OPCML: variants seen among roughly 807,000 people sequenced by gnomAD.
OPCML encodes the protein opioid binding protein/cell adhesion molecule like.
A neutral mutation model predicts 37.8 loss-of-function variants in OPCML; 13 were observed. That is an observed-to-expected ratio of 0.34 (90% CI 0.22 to 0.55). The LOEUF (loss-of-function observed/expected upper bound fraction) is 0.55. Ranked by LOEUF, OPCML falls within the 20% of genes least tolerant of loss-of-function variation. The pLI is 0.91. For synonymous variants in OPCML, 176 were observed against 168.8 expected (o/e 1.04, Z -0.33); for missense variants, 341 against 435.6 (o/e 0.78, Z 1.93).
At chr11:133,466,469 G>T (rs1352740192) in intron 1 of OPCML, among the ~76,000 whole-genome samples, 1 of 152,180 alleles carries the variant, frequency 6.6e-6, no homozygotes, top group Non-Finnish European at 1.5e-5. Context: ...TTCTTAAGGA[G>T]ATGGCCAGTG....
chr11:133,362,484 G>A (rs1433427105), intron 1 of OPCML, among the ~76,000 whole-genome samples: 1 of 152,198 alleles, frequency 6.6e-6, no homozygotes, highest in Non-Finnish European at 1.5e-5. Flanking sequence ...CTCCGGGGAA[G>A]TGAGCTGTTT....
chr11:133,333,460 G>C (rs767168132), intron 1 of OPCML, among the ~76,000 whole-genome samples: 2 of 152,086 alleles, frequency 1.3e-5, no homozygotes, highest in Non-Finnish European at 2.9e-5. Flanking sequence ...ATTGAAGCTG[G>C]ACCGCTTCCT....
intron 1 of OPCML, among the ~76,000 whole-genome samples, chr11:133,094,816 G>A (rs181713166): frequency 1.3e-5 from 2 of 152,254 alleles, no homozygotes; most frequent in Admixed American, 1.3e-4. Flanking sequence ...GAGTCTTGAA[G>A]TATGTATCTA....
Position 132,546,407 on chromosome 11 carries a change from G to A in OPCML, c.380-17221C>T, listed in dbSNP as rs536959967. 1.1e-4 allele frequency among the ~76,000 whole-genome samples: 16 copies of A among 152,300 alleles called. No individual in the cohort carries two copies. The South Asian group carries it at 3.1e-3, about 30-fold the overall frequency. On this transcript the variant is annotated intron_variant, in intron 3 of 7. Transcript: ENST00000524381. Reference sequence around the variant, plus strand: ...CCAAGTAGTATACACTGCACCCAATGTGTAGTCTTTTCTCCTTCACCCTTC... The same window carrying A: ...CCAAGTAGTATACACTGCACCCAATATGTAGTCTTTTCTCCTTCACCCTTC...
intron 1 of OPCML, among the ~76,000 whole-genome samples, chr11:133,283,852 A>G (rs994163332): frequency 4.6e-5 from 7 of 152,150 alleles, no homozygotes; most frequent in Non-Finnish European, 1.0e-4. Context: ...TCAGCTCCAC[A>G]TACCTGTGAG....
chr11:133,404,983 G>A (rs957864764), intron 1 of OPCML, among the ~76,000 whole-genome samples: 3 of 152,210 alleles, frequency 2.0e-5, no homozygotes, highest in Non-Finnish European at 2.9e-5. Context: ...CATTATGTCT[G>A]TGTATTTTCC....
rs530475913 is a variant in OPCML, at chr11:132,847,150, G to T, written c.146+95776C>A. Reference sequence around the variant, plus strand: ...GCACAGAGGGTAAGATCATCGACCCGTGACAACTGAAGGTATCTTGCTGCA... The same window carrying T: ...GCACAGAGGGTAAGATCATCGACCCTTGACAACTGAAGGTATCTTGCTGCA... On this transcript the variant is annotated intron_variant, in intron 2 of 7. Transcript: ENST00000524381. Among the ~76,000 whole-genome samples the T allele has an allele frequency of 2.0e-5, 3 of 152,150 alleles. No homozygotes were observed. In the East Asian group the frequency reaches 5.8e-4, roughly 29 times the overall value.
chr11:133,197,992 C>T (rs1938604470), intron 1 of OPCML, among the ~76,000 whole-genome samples: 1 of 152,220 alleles, frequency 6.6e-6, no homozygotes, highest in African/African-American at 2.4e-5. Flanking sequence ...AACCTATCAA[C>T]CCAGACAGAC....
At chr11:133,187,132 G>A (rs1565492691) in intron 1 of OPCML, among the ~76,000 whole-genome samples, 1 of 152,146 alleles carries the variant, frequency 6.6e-6, no homozygotes, top group Non-Finnish European at 1.5e-5. Flanking sequence ...ATAGACTGCA[G>A]GGAAGAAAAG....
intron 2 of OPCML, among the ~76,000 whole-genome samples, chr11:132,846,003 G>A (rs937792095): frequency 6.6e-6 from 1 of 152,130 alleles, no homozygotes; most frequent in African/African-American, 2.4e-5. Flanking sequence ...TCAGAACGCT[G>A]AGAGCAATCC....
At chr11:133,408,826 GAA>G (rs1945582764) in intron 1 of OPCML, among the ~76,000 whole-genome samples, 1 of 152,190 alleles carries the variant, frequency 6.6e-6, no homozygotes, top group Admixed American at 6.5e-5. Flanking sequence ...TTGTTATAAT[GAA>G]AAGACATGGA....
chr11:132,884,418 C>A (rs1943332363), intron 2 of OPCML, among the ~76,000 whole-genome samples: 1 of 152,114 alleles, frequency 6.6e-6, no homozygotes, highest in Non-Finnish European at 1.5e-5. Context: ...GTAGAGAGAA[C>A]CTGTCAAAGA....
intron 3 of OPCML, among the ~76,000 whole-genome samples, chr11:132,607,008 G>A (rs1241630685): frequency 3.3e-5 from 5 of 152,136 alleles, no homozygotes; most frequent in Non-Finnish European, 5.9e-5. Flanking sequence ...GAGAAAAAGG[G>A]TTATATTTTG....
intron 1 of OPCML, among the ~76,000 whole-genome samples, chr11:132,954,136 T>TTTTGTTTG (rs1262246269): frequency 1.6e-5 from 2 of 127,208 alleles, no homozygotes; most frequent in African/African-American, 5.8e-5. Flanking sequence ...TTTTTGTTTG[T>TTTTGTTTG]TTTTTTGTTT....
At chr11:132,586,179 G>A (rs946901793) in intron 3 of OPCML, among the ~76,000 whole-genome samples, 9 of 152,116 alleles carry the variant, frequency 5.9e-5, no homozygotes, top group South Asian at 2.1e-4. Flanking sequence ...TACCATAGTC[G>A]GGAAGCCCAA....
chr11:133,433,991 C>G (rs1431453313), intron 1 of OPCML, among the ~76,000 whole-genome samples: 2 of 152,162 alleles, frequency 1.3e-5, no homozygotes, highest in African/African-American at 4.8e-5. Flanking sequence ...TGAACTTTCC[C>G]TTGCTTTCTT....
chr11:132,628,616 G>A (rs925634410), intron 3 of OPCML, among the ~76,000 whole-genome samples: 11 of 152,000 alleles, frequency 7.2e-5, no homozygotes, highest in African/African-American at 2.7e-4. Flanking sequence ...GGCCACTATC[G>A]CCTGCCCTGA....
intron 3 of OPCML, among the ~76,000 whole-genome samples, chr11:132,620,927 G>C (rs1939363900): frequency 6.6e-6 from 1 of 152,164 alleles, no homozygotes; most frequent in Non-Finnish European, 1.5e-5. Flanking sequence ...AGGCTCAGCT[G>C]GTCAGCTTCA....
intron 2 of OPCML, among the ~76,000 whole-genome samples, chr11:132,843,752 G>A (rs1214836531): frequency 6.6e-6 from 1 of 152,196 alleles, no homozygotes; most frequent in East Asian, 1.9e-4. Flanking sequence ...TATCATCACT[G>A]CGAAGGACAG....
Sources: allele counts gnomAD v4.1 joint callset (sites outside exome capture counted in the v4.1 genomes callset), GRCh38; gene constraint gnomAD v4.1.1; transcripts MANE v1.5; gene names NCBI Gene and HGNC (gene_info 2026-07-23, HGNC 2026-07-21).